MYBL1: variants seen among roughly 807,000 people sequenced by gnomAD.
The protein encoded by MYBL1 is myb-related protein A.
In MYBL1, 17 loss-of-function variants were observed where a neutral mutation model predicts 96.3. The observed-to-expected ratio is 0.18, with a 90% CI of 0.12 to 0.26. MYBL1 has a LOEUF of 0.26. Among genes scored for constraint, MYBL1 ranks in the 10% least tolerant of loss-of-function variants. The pLI is 1.00. For missense variants in MYBL1, 701 were observed against 882.9 expected, an observed-to-expected ratio of 0.79 and a Z score of 2.61; for synonymous variants, 282 against 292.7, an observed-to-expected ratio of 0.96 and a Z score of 0.37.
intron 3 of MYBL1, 132 bp from the exon 4 acceptor site, chr8:66,599,274 A>T (rs180958163): frequency 1.5e-5 from 8 of 521,336 alleles, no homozygotes; most frequent in African/African-American, 1.4e-4. Context: ...TTAAACATGT[A>T]ACATTTATGT....
chr8:66,596,226 G>T (rs1253985494), intron 5 of MYBL1, among the ~76,000 whole-genome samples: 1 of 152,074 alleles, frequency 6.6e-6, no homozygotes, highest in Non-Finnish European at 1.5e-5. Context: ...TATAGCAAGG[G>T]CCAAGGTCTT....
Position 66,572,560 on chromosome 8 carries a change from A to T in MYBL1, c.1650T>A (p.Gly550=), listed in dbSNP as rs1319111078. The change falls in exon 12 of 16, where the codon GGT becomes GGA. Residue 550 remains glycine (G), a synonymous_variant. Coordinates refer to ENST00000522677, the MANE Select transcript of MYBL1 (RefSeq NM_001080416.4). The part of the protein sequence containing the change: ...RTPTIRRSIL[G]TTPRTPTPFK... ...AAGGAGTAGGAGTTCTTGGTGTGGT[A>T]CCCAGTATAGATCTTCTAATAGTAG... 2.5e-6 allele frequency: 4 copies of T among 1,600,330 alleles called. No homozygotes were observed. The South Asian group carries it at 4.5e-5, about 18-fold the overall frequency.
intron 1 of MYBL1, among the ~76,000 whole-genome samples, chr8:66,603,776 A>G (rs1810200167): frequency 6.6e-6 from 1 of 152,184 alleles, no homozygotes; most frequent in Admixed American, 6.5e-5. Context: ...CACGCTTGAG[A>G]TTACAGGCAT....
At chr8:66,566,653 A>C in intron 14 of MYBL1, 31 bp downstream of exon 14, 1 of 1,431,686 alleles carries the variant, frequency 7.0e-7, no homozygotes, top group Non-Finnish European at 9.7e-7. Flanking sequence ...GCAACCATTT[A>C]AAATAACAAC....
intron 3 of MYBL1, 135 bp from the exon 4 acceptor site, chr8:66,599,277 A>G (rs1223979379): frequency 3.5e-5 from 18 of 517,804 alleles, no homozygotes; most frequent in Non-Finnish European, 5.7e-5. Context: ...AACATGTAAC[A>G]TTTATGTTAC....
At chr8:66,605,308 A>C (rs1174384688) in intron 1 of MYBL1, among the ~76,000 whole-genome samples, 1 of 152,162 alleles carries the variant, frequency 6.6e-6, no homozygotes, top group Non-Finnish European at 1.5e-5. Flanking sequence ...CAAATCTAGA[A>C]GGCAAATGAG....
At position 66,612,955 on chromosome 8, in the gene MYBL1, C is replaced by T; in HGVS notation, c.-117G>A. On this transcript the variant is annotated 5_prime_UTR_variant, in exon 1 of 16. Coordinates refer to ENST00000522677, the MANE Select transcript of MYBL1 (RefSeq NM_001080416.4). The stretch of plus-strand genomic sequence containing the variant: ...CCGCTTCCCTCGCTCCCTCTGGAGG[C>T]GGCCGAGTGCGGAACGCACGTCCTC... 3 of 1,162,832 alleles carry T rather than the reference C, an allele frequency of 2.6e-6. No homozygotes were observed. The highest frequency in any genetic ancestry group is 3.4e-6 in the Non-Finnish European group (3 of 889,256). The allele number at this position is 1,162,832 out of a possible 1,614,324, so 72.0% of individuals were successfully genotyped here.
At chr8:66,610,716 A>T (rs1810495472) in intron 1 of MYBL1, among the ~76,000 whole-genome samples, 2 of 152,158 alleles carry the variant, frequency 1.3e-5, no homozygotes, top group Non-Finnish European at 2.9e-5. Flanking sequence ...AAAGCAGAGC[A>T]TCTACTATCT....
chr8:66,584,544 A>G (rs1017492550), intron 8 of MYBL1, among the ~76,000 whole-genome samples: 1 of 152,158 alleles, frequency 6.6e-6, no homozygotes, highest in East Asian at 1.9e-4. Context: ...TTGCAGGACA[A>G]AACATCAACA....
Position 66,592,444 on chromosome 8 carries a change from G to T in MYBL1, c.863C>A (p.Pro288Gln). 1 of 1,572,972 alleles carries T rather than the reference G, an allele frequency of 6.4e-7. No homozygotes were observed. Among genetic ancestry groups the T allele is most frequent in the Non-Finnish European group, 8.6e-7 (1 of 1,158,438 alleles). Residue 288 changes from proline (P) to glutamine (Q), a missense_variant, in exon 8 of 16, where the codon CCA (proline) becomes CAA (glutamine). Transcript: ENST00000522677. The stretch of plus-strand genomic sequence containing the variant: ...AATAACAAGCTTATTTCTTACTGAT[G>T]GAATTCGCTTTCTTCTAACTTCATT... Reference protein sequence around the residue: ...AENEVRRKRIPSQPGSFSSWS... With the variant: ...AENEVRRKRIQSQPGSFSSWS...
rs749526947 is a variant in MYBL1 at position 66,592,509 on chromosome 8, C to A, written c.798G>T (p.Lys266Asn). 3 of 1,600,568 alleles carry A rather than the reference C, an allele frequency of 1.9e-6. No homozygotes were observed. The highest frequency in any genetic ancestry group is 2.5e-6 in the Non-Finnish European group (3 of 1,177,796). The change falls in exon 8 of 16, where the codon AAG becomes AAT. Residue 266 changes from lysine to asparagine, a missense_variant. Coordinates refer to ENST00000522677, the MANE Select transcript of MYBL1 (RefSeq NM_001080416.4). ...PFIDEDPDKE[K>N]KIKELEMLLM... ...GAAGCATCTCAAGTTCCTTTATTTT[C>A]TTTTCCTTATCAGGATCTTCATCAA...
At chr8:66,593,954 G>A (rs949087043) in intron 6 of MYBL1, among the ~76,000 whole-genome samples, 2 of 151,950 alleles carry the variant, frequency 1.3e-5, no homozygotes, top group Non-Finnish European at 2.9e-5. Context: ...TGGGCAACAT[G>A]GCAAGACCCT....
intron 8 of MYBL1, among the ~76,000 whole-genome samples, chr8:66,586,412 A>T (rs1016173047): frequency 6.6e-6 from 1 of 152,154 alleles, no homozygotes; most frequent in African/African-American, 2.4e-5. Context: ...ATACAAATGG[A>T]CAATGGGTAT....
intron 8 of MYBL1, among the ~76,000 whole-genome samples, chr8:66,584,729 G>A (rs1053439254): frequency 1.1e-4 from 17 of 152,008 alleles, no homozygotes; most frequent in African/African-American, 4.1e-4. Context: ...AATCAGTAGT[G>A]TTTCTATACA....
At chr8:66,599,681 T>C (rs1809991023) in intron 3 of MYBL1, among the ~76,000 whole-genome samples, 1 of 152,030 alleles carries the variant, frequency 6.6e-6, no homozygotes, top group Admixed American at 6.5e-5. Context: ...ATGCCTGTAA[T>C]CCCAGCTACT....
intron 9 of MYBL1, among the ~76,000 whole-genome samples, chr8:66,576,847 T>C (rs2129788771): frequency 6.6e-6 from 1 of 152,252 alleles, no homozygotes; most frequent in East Asian, 1.9e-4. Context: ...TTATCTGTAG[T>C]ACTGAAAAAG....
chr8:66,597,260 T>A (rs1458534665), intron 5 of MYBL1, 70 bp downstream of exon 5: 8 of 1,102,324 alleles, frequency 7.3e-6, no homozygotes, highest in Non-Finnish European at 7.5e-6. Flanking sequence ...GACTTGCAAA[T>A]GTATTTAACA....
intron 1 of MYBL1, among the ~76,000 whole-genome samples, chr8:66,604,512 TAAAA>T (rs879543352): frequency 7.2e-6 from 1 of 138,308 alleles, no homozygotes; most frequent in African/African-American, 2.6e-5. Context: ...ATTTCAAAAT[TAAAA>T]AAAAAAAAAG....
At position 66,566,740 on chromosome 8, in the gene MYBL1, A is replaced by T; in HGVS notation, c.1894T>A (p.Trp632Arg). Residue 632 changes from tryptophan (W) to arginine (R), a missense_variant, in exon 14 of 16, where the codon TGG (tryptophan) becomes AGG (arginine). Trp to Arg is a moderately radical substitution (Grantham distance 101). Around this residue, in one of 5 missense-constraint regions of MYBL1, gnomAD observed 137 missense variants for 137.5 expected, o/e 1.00. Coordinates refer to ENST00000522677, the MANE Select transcript of MYBL1 (RefSeq NM_001080416.4). ...TGAGTGCCTGATTCTTCTTTTTCCC[A>T]ATTATCTAAGACTAGTGATTTTCTG... is the stretch of plus-strand genomic sequence containing the variant. ...KVRKSLVLDN[W>R]EKEESGTQLL... 1 of 1,610,634 alleles carries T rather than the reference A, an allele frequency of 6.2e-7. No individual in the cohort carries two copies.
Sources: gnomAD v4.1 joint callset for allele counts (sites outside exome capture counted in the v4.1 genomes callset) on GRCh38, gnomAD v4.1.1 for gene constraint, gnomAD v4.1.1 regional missense constraint, MANE v1.5 for transcripts, NCBI Gene and HGNC (gene_info 2026-07-23, HGNC 2026-07-21) for gene names.